Variants in SMYD3 observed in about 807,000 individuals in gnomAD.
SMYD3 encodes SET and MYND domain containing 3, also known as histone-lysine N-methyltransferase SMYD3.
In SMYD3, 36 loss-of-function variants were observed where a neutral mutation model predicts 57.7. That is an observed-to-expected ratio of 0.62 (90% CI 0.48 to 0.82). The LOEUF is 0.82. Ranked by LOEUF, SMYD3 falls within the 40% of genes least tolerant of loss-of-function variation. The probability of loss-of-function intolerance (pLI) is 0.00; values close to 1 mark genes in which losing one functional copy is unlikely to be tolerated. For missense variants in SMYD3, 515 were observed against 538.8 expected (o/e 0.96, Z 0.44); for synonymous variants, 211 against 195.0 (o/e 1.08, Z -0.68).
chr1:246,428,718 G>A (rs12747673), intron 1 of SMYD3, among the ~76,000 whole-genome samples: 63,329 of 151,702 alleles, frequency 0.42, 13,766 homozygotes, highest in East Asian at 0.66. Context: ...CACAGCCCAT[G>A]CTCTTAACTG....
At chr1:246,147,135 T>C (rs1572106269) in intron 5 of SMYD3, among the ~76,000 whole-genome samples, 1 of 152,318 alleles carries the variant, frequency 6.6e-6, no homozygotes, top group East Asian at 1.9e-4. Context: ...CTGGTCAGGT[T>C]AAAACTGAGG....
intron 10 of SMYD3, among the ~76,000 whole-genome samples, chr1:245,792,666 T>C (rs2047325641): frequency 6.6e-6 from 1 of 152,208 alleles, no homozygotes; most frequent in African/African-American, 2.4e-5. Flanking sequence ...AGGACTTCAT[T>C]AATATTTGTT....
intron 10 of SMYD3, among the ~76,000 whole-genome samples, chr1:245,806,619 A>AGAGG (rs765576024): frequency 2.4e-4 from 36 of 152,282 alleles, no homozygotes; most frequent in Admixed American, 6.5e-4. Flanking sequence ...GTGGGTTAAA[A>AGAGG]GAGGGAGAAG....
intron 3 of SMYD3, among the ~76,000 whole-genome samples, chr1:246,332,197 T>C (rs982101922): frequency 1.3e-5 from 2 of 152,180 alleles, no homozygotes; most frequent in African/African-American, 2.4e-5. Context: ...GTCAGGCCTC[T>C]TGCACCAAAC....
chr1:245,917,425 G>C (rs986026903), intron 7 of SMYD3, among the ~76,000 whole-genome samples: 2 of 152,184 alleles, frequency 1.3e-5, no homozygotes, highest in African/African-American at 4.8e-5. Flanking sequence ...GTCATAGGTA[G>C]AGAAGCAATG....
chr1:246,209,029 T>C (rs10924550), intron 5 of SMYD3, among the ~76,000 whole-genome samples: 7,787 of 152,220 alleles, frequency 0.051, 678 homozygotes, highest in African/African-American at 0.18. Context: ...ATGGAATCAA[T>C]TTTAAAAATA....
At chr1:245,815,510 C>T (rs1030297015) in intron 10 of SMYD3, among the ~76,000 whole-genome samples, 3 of 152,242 alleles carry the variant, frequency 2.0e-5, no homozygotes, top group African/African-American at 7.2e-5. Context: ...ATTTTAGAGA[C>T]ATGGGGCCTA....
At chr1:246,276,694 C>T (rs1271730596) in intron 5 of SMYD3, among the ~76,000 whole-genome samples, 5 of 150,860 alleles carry the variant, frequency 3.3e-5, no homozygotes, top group African/African-American at 4.9e-5. Flanking sequence ...TTTCACTAGC[C>T]GTATTAACAC....
intron 1 of SMYD3, among the ~76,000 whole-genome samples, chr1:246,413,373 G>T (rs562552278): frequency 2.0e-5 from 3 of 151,924 alleles, no homozygotes; most frequent in African/African-American, 7.2e-5. Context: ...AAATCCACCA[G>T]GCAAAAAATG....
chr1:246,483,962 CCTAAA>C (rs2068148529), intron 1 of SMYD3, among the ~76,000 whole-genome samples: 3 of 151,782 alleles, frequency 2.0e-5, no homozygotes, highest in African/African-American at 4.8e-5. Flanking sequence ...AACCAAAATA[CCTAAA>C]CTATTGTACT....
chr1:246,471,671 C>T (rs1274134726), intron 1 of SMYD3, among the ~76,000 whole-genome samples: 3 of 152,216 alleles, frequency 2.0e-5, no homozygotes, highest in African/African-American at 4.8e-5. Context: ...TATGCACTGG[C>T]GCTCTGCTTA....
At chr1:246,138,685 A>G (rs1333549621) in intron 5 of SMYD3, among the ~76,000 whole-genome samples, 3 of 105,224 alleles carry the variant, frequency 2.9e-5, no homozygotes, top group Non-Finnish European at 8.5e-5. Flanking sequence ...TCGGCCTCCC[A>G]AAGTGCTGGG....
At chr1:246,390,781 G>C (rs928801005) in intron 1 of SMYD3, among the ~76,000 whole-genome samples, 1 of 151,960 alleles carries the variant, frequency 6.6e-6, no homozygotes, top group African/African-American at 2.4e-5. Context: ...ATTCAGACTA[G>C]CCACATTTCA....
At position 246,135,979 on chromosome 1, in the gene SMYD3, A is replaced by G. The variant is rs148955259; in HGVS notation, c.531+191222T>C. Among the ~76,000 whole-genome samples, 240 of 152,318 alleles carry G rather than the reference A, an allele frequency of 1.6e-3. 1 individual carries two copies. Among genetic ancestry groups the G allele is most frequent in the African/African-American group, 5.0e-3 (209 of 41,576 alleles). On this transcript the variant is annotated intron_variant, in intron 5 of 11. Transcript: ENST00000490107. ...ATTCACTTATGCAAAATAAGAAAGA[A>G]AACAATGTGAGAAAAGATGAATATT...
At chr1:246,496,895 G>T (rs12735611) in intron 1 of SMYD3, among the ~76,000 whole-genome samples, 61,395 of 152,004 alleles carry the variant, frequency 0.4, 13,877 homozygotes, top group East Asian at 0.64. Flanking sequence ...AACTAAACAT[G>T]AATAGGCCGT....
intron 10 of SMYD3, among the ~76,000 whole-genome samples, chr1:245,781,811 A>C (rs1212360368): frequency 6.6e-6 from 1 of 152,074 alleles, no homozygotes; most frequent in Non-Finnish European, 1.5e-5. Flanking sequence ...CTCCACTAAA[A>C]GTCCAAATTT....
At chr1:245,845,524 T>C (rs541119642) in intron 10 of SMYD3, among the ~76,000 whole-genome samples, 12 of 152,260 alleles carry the variant, frequency 7.9e-5, no homozygotes, top group Middle Eastern at 3.4e-3. Flanking sequence ...GTACATCAGG[T>C]CCTGACATAA....
intron 5 of SMYD3, among the ~76,000 whole-genome samples, chr1:246,242,040 G>C (rs2063621893): frequency 6.6e-6 from 1 of 151,842 alleles, no homozygotes; most frequent in South Asian, 2.1e-4. Context: ...CAAAAAACCG[G>C]CTCCTGGATT....
At chr1:245,911,757 G>C (rs140445927) in intron 8 of SMYD3, among the ~76,000 whole-genome samples, 6 of 152,142 alleles carry the variant, frequency 3.9e-5, no homozygotes, top group African/African-American at 1.4e-4. Context: ...GGGATTAAGA[G>C]GGGTTGGTTA....
Sources: gnomAD v4.1 joint callset for allele counts (sites outside exome capture counted in the v4.1 genomes callset) on GRCh38, gnomAD v4.1.1 for gene constraint, MANE v1.5 for transcripts, NCBI Gene and HGNC (gene_info 2026-07-23, HGNC 2026-07-21) for gene names.